The following CENPP variants were observed in gnomAD, a reference collection of about 807,000 sequenced individuals.
CENPP encodes centromere protein P.
In CENPP, 24 loss-of-function variants were observed where a neutral mutation model predicts 35.6. The observed-to-expected ratio is 0.67, with a 90% CI of 0.49 to 0.95. The LOEUF is 0.95. Ranked by LOEUF, CENPP falls within the 40% of genes least tolerant of loss-of-function variation. The pLI is 0.00. For missense variants in CENPP, 332 were observed against 345.3 expected (o/e 0.96, Z 0.31); for synonymous variants, 120 against 125.5 (o/e 0.96, Z 0.29).
At chr9:92,543,786 G>A (rs548819585) in intron 5 of CENPP, among the ~76,000 whole-genome samples, 9 of 152,040 alleles carry the variant, frequency 5.9e-5, no homozygotes, top group Non-Finnish European at 1.3e-4. Context: ...TTATTCTTAA[G>A]TATTTTGTTA....
At chr9:92,388,101 T>A (rs1166947913) in intron 5 of CENPP, among the ~76,000 whole-genome samples, 1 of 152,156 alleles carries the variant, frequency 6.6e-6, no homozygotes, top group Non-Finnish European at 1.5e-5. Context: ...CATAAATCCC[T>A]TCTGTAATTC....
At chr9:92,420,443 A>G (rs1843755242) in intron 5 of CENPP, among the ~76,000 whole-genome samples, 1 of 152,158 alleles carries the variant, frequency 6.6e-6, no homozygotes, top group Admixed American at 6.5e-5. Context: ...TGACTGTCAC[A>G]GCTGAATGTA....
intron 5 of CENPP, among the ~76,000 whole-genome samples, chr9:92,405,266 C>T (rs1843273453): frequency 6.6e-6 from 1 of 151,810 alleles, no homozygotes; most frequent in Non-Finnish European, 1.5e-5. Flanking sequence ...ATTGTAGATA[C>T]CATACAAGCA....
At chr9:92,506,029 G>A (rs1846985998) in intron 5 of CENPP, among the ~76,000 whole-genome samples, 1 of 152,200 alleles carries the variant, frequency 6.6e-6, no homozygotes, top group Non-Finnish European at 1.5e-5. Context: ...AGAAATTGTG[G>A]TGGCTGAACA....
At position 92,515,138 on chromosome 9, in the gene CENPP, C is replaced by A. The variant is rs2131210390; in HGVS notation, c.565-96176C>A. On this transcript the variant is annotated intron_variant, in intron 5 of 7. Transcript: ENST00000375587. ...AGTAAATTGGTAGGTTCTCTTTGTT[C>A]TGAAGAATCACCAGAAAATTCATTT... 6.2e-7 allele frequency: 1 copy of A among 1,611,328 alleles called. No homozygotes were observed. The highest frequency in any genetic ancestry group is 1.1e-5 in the South Asian group (1 of 90,308).
chr9:92,596,799 T>A (rs544356005), intron 5 of CENPP, among the ~76,000 whole-genome samples: 91 of 152,244 alleles, frequency 6.0e-4, no homozygotes, highest in African/African-American at 2.1e-3. Flanking sequence ...GCTTTTTTTT[T>A]ATAACCTTCC....
chr9:92,392,554 G>A (rs557677741), intron 5 of CENPP, among the ~76,000 whole-genome samples: 3 of 151,882 alleles, frequency 2.0e-5, no homozygotes, highest in African/African-American at 7.2e-5. Flanking sequence ...GACAGAGGTT[G>A]CAGTGAGCCA....
rs778240118 is a variant in CENPP at position 92,334,859 on chromosome 9, G to T, written c.289+2508G>T. ...TGCACCACTGCGCTTCAGCCTTGGT[G>T]ACAGTGAGACCCTGTCTCAAAAAAA... On this transcript the variant is annotated intron_variant, in intron 2 of 7. Transcript: ENST00000375587. Among the ~76,000 whole-genome samples, 71 of 151,326 alleles carry T rather than the reference G, an allele frequency of 4.7e-4. 1 individual carries two copies. Among genetic ancestry groups the T allele is most frequent in the Non-Finnish European group, 2.1e-4 (14 of 67,916 alleles).
chr9:92,358,948 C>CT (rs1841664343), intron 4 of CENPP, among the ~76,000 whole-genome samples: 12 of 104,488 alleles, frequency 1.1e-4, no homozygotes, highest in East Asian at 2.9e-4. Flanking sequence ...TTTTTTCTTT[C>CT]TTTCTTTTTT....
At chr9:92,399,986 ATGT>A (rs1169980794) in intron 5 of CENPP, among the ~76,000 whole-genome samples, 2 of 152,120 alleles carry the variant, frequency 1.3e-5, no homozygotes, top group East Asian at 1.9e-4. Flanking sequence ...TATTTGTTAC[ATGT>A]TGTTCCATAT....
chr9:92,443,658 GT>G (rs34836469), intron 5 of CENPP, among the ~76,000 whole-genome samples: 55,481 of 148,190 alleles, frequency 0.37, 12,507 homozygotes, highest in African/African-American at 0.65. Context: ...ATGTTACAAA[GT>G]TTTTTTTTTT....
chr9:92,502,802 G>GTAT, intron 5 of CENPP: 1 of 384,810 alleles, frequency 2.6e-6, no homozygotes. Context: ...TTTTTAAGTT[G>GTAT]TCTTTTTTTT....
rs1040353708 is a variant in CENPP, at chr9:92,452,795, C to A, written c.564+72936C>A. Among the ~76,000 whole-genome samples the A allele has an allele frequency of 5.3e-5, 8 of 152,236 alleles. No individual in the cohort carries two copies. In the East Asian group the frequency reaches 1.2e-3, roughly 22 times the overall value. On this transcript the variant is annotated intron_variant, in intron 5 of 7. Coordinates refer to ENST00000375587, the MANE Select transcript of CENPP (RefSeq NM_001012267.3). Reference sequence around the variant, plus strand: ...TTTCAGAGTCTGTTATTGGTCTATTCAGAGATTCAACTTCTTCCTGGTTTA... The same window carrying A: ...TTTCAGAGTCTGTTATTGGTCTATTAAGAGATTCAACTTCTTCCTGGTTTA...
chr9:92,562,202 C>CTTTTTTTTTT (rs373787447), intron 5 of CENPP, among the ~76,000 whole-genome samples: 19 of 133,424 alleles, frequency 1.4e-4, no homozygotes, highest in African/African-American at 3.4e-4. Context: ...TCTTTTTTTT[C>CTTTTTTTTTT]TTTTCTTTTT....
In CENPP at chr9:92,553,547, G is replaced by T. The variant is rs185981634; in HGVS notation, c.565-57767G>T. 2.1e-4 allele frequency among the ~76,000 whole-genome samples: 32 copies of T among 152,270 alleles called. No homozygotes were observed. In the East Asian group the frequency reaches 6.2e-3, roughly 29 times the overall value. On this transcript the variant is annotated intron_variant, in intron 5 of 7. Coordinates refer to ENST00000375587, the MANE Select transcript of CENPP (RefSeq NM_001012267.3). ...TTCTACCCATCCATGAGCATGGGATGTGTTTCCATTTCTTTGTGTCATCTA... is the reference window on the plus strand; with the variant it reads ...TTCTACCCATCCATGAGCATGGGATTTGTTTCCATTTCTTTGTGTCATCTA...
At chr9:92,480,376 G>A (rs548022201) in intron 5 of CENPP, among the ~76,000 whole-genome samples, 10 of 152,338 alleles carry the variant, frequency 6.6e-5, no homozygotes, top group Non-Finnish European at 1.3e-4. Flanking sequence ...GAACTGGCTG[G>A]AGGTGGTGGA....
intron 5 of CENPP, among the ~76,000 whole-genome samples, chr9:92,582,142 C>G (rs924673678): frequency 6.6e-6 from 1 of 152,142 alleles, no homozygotes; most frequent in Admixed American, 6.5e-5. Context: ...AAGCCTCAAC[C>G]TCCTGGGCTC....
intron 5 of CENPP, among the ~76,000 whole-genome samples, chr9:92,566,799 CAAAG>C (rs1381545353): frequency 6.6e-6 from 1 of 152,154 alleles, no homozygotes; most frequent in Non-Finnish European, 1.5e-5. Context: ...AAAAGGAACA[CAAAG>C]AATATCTGAA....
intron 5 of CENPP, among the ~76,000 whole-genome samples, chr9:92,391,084 G>A (rs1033100971): frequency 1.6e-4 from 25 of 151,828 alleles, no homozygotes; most frequent in African/African-American, 6.1e-4. Context: ...GGCCAACACA[G>A]CGCAACCTCA....
Sources: allele counts gnomAD v4.1 joint callset (sites outside exome capture counted in the v4.1 genomes callset), GRCh38; gene constraint gnomAD v4.1.1; transcripts MANE v1.5; gene names NCBI Gene and HGNC (gene_info 2026-07-23, HGNC 2026-07-21).